The following WDR46 variants were observed in gnomAD, a reference collection of about 807,000 sequenced individuals.
WDR46 encodes WD repeat-containing protein 46.
WDR46 carries 58 observed loss-of-function variants against 74.7 expected under a neutral mutation model. The ratio of observed to expected loss-of-function variants is 0.78; its 90% confidence interval spans 0.63 to 0.97. The LOEUF is 0.97. Ranked by LOEUF, WDR46 falls within the 50% of genes least tolerant of loss-of-function variation. The pLI is 0.00. For synonymous variants in WDR46, 278 were observed against 297.3 expected, an observed-to-expected ratio of 0.93 and a Z score of 0.67; for missense variants, 702 against 790.1, an observed-to-expected ratio of 0.89 and a Z score of 1.34.
intron 10 of WDR46, among the ~76,000 whole-genome samples, chr6:33,281,509 T>C (rs963977167): frequency 1.3e-5 from 2 of 152,068 alleles, no homozygotes; most frequent in Non-Finnish European, 2.9e-5. Context: ...ACCAGAGTGT[T>C]GAGACTGAGA....
rs1323315839 is a variant in WDR46, at chr6:33,280,688, C to G, written c.1415G>C (p.Ser472Thr). The change falls in exon 11 of 15, where the codon AGC becomes ACC. Residue 472 changes from serine (S) to threonine (T), a missense_variant. By Grantham distance (58) the Ser-to-Thr change is moderately conservative. Transcript: ENST00000374617. The part of the protein sequence containing the change: ...LGVGHTGGIT[S>T]MLVPGAGEPN... ...GGCCCACTCACCAGGGACCAGCATG[C>G]TGGTGATGCCCCCAGTGTGCCCCAC... 6.3e-7 allele frequency: 1 copy of G among 1,584,568 alleles called. No homozygotes were observed. The highest frequency in any genetic ancestry group is 1.2e-5 in the South Asian group (1 of 86,660).
At chr6:33,283,130 A>G (rs1362035170) in intron 10 of WDR46, among the ~76,000 whole-genome samples, 1 of 151,646 alleles carries the variant, frequency 6.6e-6, no homozygotes, top group Non-Finnish European at 1.5e-5. Context: ...AATCGCTTGA[A>G]CCCAGGAGGT....
At chr6:33,283,980 A>C (rs1037164802) in intron 10 of WDR46, among the ~76,000 whole-genome samples, 1 of 152,082 alleles carries the variant, frequency 6.6e-6, no homozygotes, top group Non-Finnish European at 1.5e-5. Flanking sequence ...GCAGTGGCTC[A>C]CGCCTGTAAT....
At chr6:33,284,354 C>T (rs186695604) in intron 10 of WDR46, 155 of 153,852 alleles carry the variant, frequency 1.0e-3, no homozygotes, top group Non-Finnish European at 1.8e-3. Flanking sequence ...AGAACCTCAG[C>T]GCAGAGCCCT....
rs774774184 is a variant in WDR46, at chr6:33,288,686, A to C, written c.288T>G (p.Asp96Glu). The change falls in exon 3 of 15, where the codon GAT (aspartate) becomes GAG (glutamate). Residue 96 changes from aspartate to glutamate, a missense_variant. Physicochemically the swap from Asp to Glu is conservative, Grantham distance 45. Coordinates refer to ENST00000374617, the MANE Select transcript of WDR46 (RefSeq NM_005452.6). ...GGACGGGGGCGGGGCCTGGGAATGG[A>C]TCTTGGGTCTAGGGGAAAGGAGGAC... is the stretch of plus-strand genomic sequence containing the variant. Reference protein sequence around the residue: ...ESQRGLSGTQDPFPGPAPVPV... With the variant: ...ESQRGLSGTQEPFPGPAPVPV... 18 of 1,613,154 alleles carry C rather than the reference A, an allele frequency of 1.1e-5. No individual in the cohort carries two copies. In the East Asian group the frequency reaches 4.0e-4, roughly 36 times the overall value.
chr6:33,287,528 C>G, intron 7 of WDR46, 23 bp from the exon 8 acceptor site: 1 of 1,613,436 alleles, frequency 6.2e-7, no homozygotes, highest in Non-Finnish European at 8.5e-7. Context: ...AAGAGTGGTT[C>G]AATTGGGAAA....
chr6:33,280,887 G>T lies in WDR46; in HGVS notation c.1216C>A (p.His406Asn), dbSNP rs755993142. 1.9e-6 allele frequency: 3 copies of T among 1,614,238 alleles called. No individual in the cohort carries two copies. Among genetic ancestry groups the T allele is most frequent in the Non-Finnish European group, 2.5e-6 (3 of 1,180,036 alleles). The change falls in exon 11 of 15, where the codon CAC (histidine) becomes AAC (asparagine). Residue 406 changes from histidine (H) to asparagine (N), a missense_variant. Physicochemically the swap from His to Asn is moderately conservative, Grantham distance 68. Coordinates refer to ENST00000374617, the MANE Select transcript of WDR46 (RefSeq NM_005452.6). ...AGTCCCCTCTGGGAGAAGGCCAGGT[G>T]CCCTGCTCCATGGGGCAGGGTCCGA... is the stretch of plus-strand genomic sequence containing the variant. ...STRTLPHGAG[H>N]LAFSQRGLLV...
At chr6:33,280,265 G>A (rs553244537) in intron 12 of WDR46, among the ~76,000 whole-genome samples, 163 bp downstream of exon 12, 24 of 149,672 alleles carry the variant, frequency 1.6e-4, no homozygotes, top group African/African-American at 5.9e-4. Flanking sequence ...TCTCCAGCAG[G>A]GGGGAACCTG....
chr6:33,289,110 T>C lies in WDR46; in HGVS notation c.61A>G (p.Lys21Glu), dbSNP rs1455457494. 6.2e-7 allele frequency: 1 copy of C among 1,613,052 alleles called. No homozygotes were observed. The highest frequency in any genetic ancestry group is 8.5e-7 in the Non-Finnish European group (1 of 1,179,484). Residue 21 changes from lysine to glutamate, a missense_variant, in exon 1 of 15, where the codon AAG (lysine) becomes GAG (glutamate). Lys to Glu is a moderately conservative substitution (Grantham distance 56). Coordinates refer to ENST00000374617, the MANE Select transcript of WDR46 (RefSeq NM_005452.6). ...VPPKKDKLQT[K>E]RKKPRRYWEE... ...CCCAGGGAGGCCTCTACCTTTCTCT[T>C]GGTCTGAAGTTTGTCTTTCTTGGGC...
intron 10 of WDR46, among the ~76,000 whole-genome samples, chr6:33,281,311 G>A (rs1390046515): frequency 6.6e-6 from 1 of 151,782 alleles, no homozygotes; most frequent in Non-Finnish European, 1.5e-5. Flanking sequence ...CAAAAGGAAC[G>A]CCCACACGAC....
At chr6:33,284,543 CAAT>C (rs773944048) in intron 10 of WDR46, 2 of 153,788 alleles carry the variant, frequency 1.3e-5, no homozygotes, top group Non-Finnish European at 2.9e-5. Flanking sequence ...TCTTGAATGA[CAAT>C]GATGAACACA....
Position 33,287,659 on chromosome 6 carries a change from T to G in WDR46, c.683A>C (p.Lys228Thr). 6.2e-7 allele frequency: 1 copy of G among 1,613,862 alleles called. No individual in the cohort carries two copies. Residue 228 changes from lysine to threonine, a missense_variant, in exon 7 of 15, where the codon AAG becomes ACG. By Grantham distance (78) the Lys-to-Thr change is moderately conservative. Transcript: ENST00000374617. ...CATGACGTTGATCTCGCACATAAGC[T>G]TCTTTGTTACCCAATCAAGGGCAGC... ...HVAALDWVTK[K>T]LMCEINVMEA...
Position 33,279,626 on chromosome 6 carries a change from G to A in WDR46, c.1621-16C>T. On this transcript the variant is annotated splice_polypyrimidine_tract_variant and intron_variant, in intron 13 of 14. Transcript: ENST00000374617. The stretch of plus-strand genomic sequence containing the variant: ...GGTCATAGCCCTGAGGGAGGGGACA[G>A]GAGTGATATCTGTTACAGCCTCGGA... 6.2e-7 allele frequency: 1 copy of A among 1,614,150 alleles called. No homozygotes were observed. Among genetic ancestry groups the A allele is most frequent in the African/African-American group, 1.3e-5 (1 of 75,078 alleles).
chr6:33,281,060 C>A, intron 10 of WDR46, 73 bp from the exon 11 acceptor site: 1 of 1,484,192 alleles, frequency 6.7e-7, no homozygotes, highest in Non-Finnish European at 9.1e-7. Context: ...CAAGTCCAGG[C>A]ATCAAGTCTG....
rs772480494 is a variant in WDR46, at chr6:33,287,710, G to C, written c.632C>G (p.Ala211Gly). ...LNYSRTGRHLAFGGRRGHVAA... is the reference protein window; with the variant it reads ...LNYSRTGRHLGFGGRRGHVAA... ...CACATGACCTCGGCGCCCTCCAAAAGCCAGGTGTCTGTTGGAGGTGAGGGG... is the reference window on the plus strand; with the variant it reads ...CACATGACCTCGGCGCCCTCCAAAACCCAGGTGTCTGTTGGAGGTGAGGGG... Residue 211 changes from alanine (A) to glycine (G), a missense_variant, in exon 7 of 15, where the codon GCT becomes GGT. Transcript: ENST00000374617. 9.9e-6 allele frequency: 16 copies of C among 1,613,834 alleles called. No homozygotes were observed. The South Asian group carries it at 1.4e-4, about 14-fold the overall frequency.
intron 3 of WDR46, 59 bp downstream of exon 3, chr6:33,288,555 C>A: frequency 6.2e-7 from 1 of 1,609,570 alleles, no homozygotes; most frequent in Non-Finnish European, 8.5e-7. Context: ...CAGCCTCCAT[C>A]CAACTCACCC....
chr6:33,279,541 T>C lies in WDR46; in HGVS notation c.1690A>G (p.Ser564Gly). 6.2e-7 allele frequency: 1 copy of C among 1,614,134 alleles called. No individual in the cohort carries two copies. The highest frequency in any genetic ancestry group is 8.5e-7 in the Non-Finnish European group (1 of 1,180,038). ...ACCTTCCTCTTCCTCTTCACCAGGC[T>C]TGCCGTGGAGCTGCGGCCCTTCTGC... is the stretch of plus-strand genomic sequence containing the variant. Reference protein sequence around the residue: ...PKQKGRSSTASLVKRKRKVMD... With the variant: ...PKQKGRSSTAGLVKRKRKVMD... The change falls in exon 14 of 15, where the codon AGC becomes GGC. Residue 564 changes from serine to glycine, a missense_variant. By Grantham distance (56) the Ser-to-Gly change is moderately conservative (BLOSUM62 0). Transcript: ENST00000374617.
At chr6:33,286,702 C>T (rs1454091315) in intron 10 of WDR46, 93 bp downstream of exon 10, 6 of 1,232,004 alleles carry the variant, frequency 4.9e-6, no homozygotes. Flanking sequence ...CCTGGGCATC[C>T]TGGCTTTAGA....
Position 33,289,029 on chromosome 6 carries a change from G to T in WDR46, c.70-16C>A. The T allele has an allele frequency of 6.2e-7, 1 of 1,613,480 alleles. No individual in the cohort carries two copies. The highest frequency in any genetic ancestry group is 8.5e-7 in the Non-Finnish European group (1 of 1,179,566). ...GCCGCGGTTTCTACAGGCACATCAGGAACTCCGCACTCACGCCCCGCCCCC... is the reference window on the plus strand; with the variant it reads ...GCCGCGGTTTCTACAGGCACATCAGTAACTCCGCACTCACGCCCCGCCCCC... On this transcript the variant is annotated splice_polypyrimidine_tract_variant and intron_variant, in intron 1 of 14. Coordinates refer to ENST00000374617, the MANE Select transcript of WDR46 (RefSeq NM_005452.6).
Sources: gnomAD v4.1 joint callset for allele counts (sites outside exome capture counted in the v4.1 genomes callset) on GRCh38, gnomAD v4.1.1 for gene constraint, MANE v1.5 for transcripts, NCBI Gene and HGNC (gene_info 2026-07-23, HGNC 2026-07-21) for gene names.